The following RXRA variants were observed in gnomAD, a reference collection of about 807,000 sequenced individuals.
The protein encoded by RXRA is retinoid X receptor alpha.
Under a neutral mutation model 44.5 loss-of-function variants are expected in RXRA, and 5 were observed. The ratio of observed to expected loss-of-function variants is 0.11; its 90% CI spans 0.06 to 0.24. The LOEUF (loss-of-function observed/expected upper bound fraction) is 0.24. RXRA is among the 10% of genes least tolerant of loss of function. The pLI is 1.00. For missense variants in RXRA, 412 were observed against 646.5 expected (o/e 0.64, Z 3.93); for synonymous variants, 291 against 271.4 (o/e 1.07, Z -0.71).
At chr9:134,379,012 G>T (rs1393690775) in intron 1 of RXRA, among the ~76,000 whole-genome samples, 1 of 152,206 alleles carries the variant, frequency 6.6e-6, no homozygotes, top group East Asian at 1.9e-4. Context: ...GGTGGGGGTG[G>T]ACCTCAGCCG....
At chr9:134,376,374 A>G (rs1032903776) in intron 1 of RXRA, among the ~76,000 whole-genome samples, 6 of 152,080 alleles carry the variant, frequency 3.9e-5, no homozygotes, top group Middle Eastern at 3.2e-3. Context: ...CCCCATCCAC[A>G]CTGCTCCCGT....
intron 1 of RXRA, among the ~76,000 whole-genome samples, chr9:134,346,671 G>A (rs897917808): frequency 3.2e-4 from 48 of 152,228 alleles, no homozygotes; most frequent in African/African-American, 9.2e-4. Context: ...TGCTGTGGGT[G>A]GATGCCCCCA....
chr9:134,410,932 G>T (rs576958596), intron 4 of RXRA, among the ~76,000 whole-genome samples: 7 of 152,196 alleles, frequency 4.6e-5, no homozygotes, highest in East Asian at 1.9e-4. Context: ...AACCAGGGGG[G>T]GCCCAGGGGG....
chr9:134,372,871 C>T (rs1830507663), intron 1 of RXRA, among the ~76,000 whole-genome samples: 3 of 152,218 alleles, frequency 2.0e-5, no homozygotes, highest in African/African-American at 4.8e-5. Context: ...CGCGGAGCTG[C>T]TTGAGATCTG....
intron 1 of RXRA, among the ~76,000 whole-genome samples, chr9:134,352,026 T>C (rs1830227709): frequency 6.6e-6 from 1 of 152,184 alleles, no homozygotes; most frequent in Non-Finnish European, 1.5e-5. Flanking sequence ...GTCATGGTGC[T>C]GGAGCCAGAG....
intron 1 of RXRA, among the ~76,000 whole-genome samples, chr9:134,376,558 G>C (rs1394000145): frequency 6.6e-6 from 1 of 152,294 alleles, no homozygotes; most frequent in Non-Finnish European, 1.5e-5. Flanking sequence ...CGTGGCCTCG[G>C]CCAGGGCGAC....
intron 1 of RXRA, among the ~76,000 whole-genome samples, chr9:134,376,556 C>T (rs1830560002): frequency 7.7e-5 from 1 of 13,068 alleles, no homozygotes; most frequent in African/African-American, 2.0e-4. Context: ...TGCGTGGCCT[C>T]GGCCAGGGCG....
At position 134,439,870 on chromosome 9, in the gene RXRA, A is replaced by T. The variant is rs1030492277; in HGVS notation, c.*3256A>T. 1 of 152,364 alleles carries T rather than the reference A, an allele frequency of 6.6e-6. No homozygotes were observed. The highest frequency in any genetic ancestry group is 2.4e-5 in the African/African-American group (1 of 41,446). The allele number at this position is 152,364 out of a possible 1,614,324, so 9.4% of individuals were successfully genotyped here. ...GTTTTCCTATAAATTTGCTTCGTGTAAGCAAGTACATAAGGACCCTCCTTT... is the reference window on the plus strand; with the variant it reads ...GTTTTCCTATAAATTTGCTTCGTGTTAGCAAGTACATAAGGACCCTCCTTT... On this transcript the variant is annotated 3_prime_UTR_variant, in exon 10 of 10. Coordinates refer to ENST00000481739, the MANE Select transcript of RXRA (RefSeq NM_002957.6).
intron 1 of RXRA, among the ~76,000 whole-genome samples, chr9:134,353,944 G>A (rs1194894023): frequency 6.6e-6 from 1 of 152,218 alleles, no homozygotes; most frequent in Non-Finnish European, 1.5e-5. Flanking sequence ...GGGACTGTGG[G>A]TGGATGAGAG....
At chr9:134,428,074 C>T (rs1831463477) in intron 6 of RXRA, among the ~76,000 whole-genome samples, 1 of 152,170 alleles carries the variant, frequency 6.6e-6, no homozygotes. Context: ...CGTGTGCACG[C>T]GAGGGTCCCT....
intron 1 of RXRA, among the ~76,000 whole-genome samples, chr9:134,359,287 G>A (rs1830320639): frequency 6.6e-6 from 1 of 152,116 alleles, no homozygotes; most frequent in Non-Finnish European, 1.5e-5. Context: ...CTGTGAGATG[G>A]GTGTGCTGCT....
At chr9:134,425,566 G>A (rs1831419817) in intron 6 of RXRA, 1 of 795,616 alleles carries the variant, frequency 1.3e-6, no homozygotes, top group Non-Finnish European at 1.5e-6. Context: ...GGGGGGGTGA[G>A]GGGGGTGGGG....
intron 2 of RXRA, chr9:134,405,285 C>T (rs1831032052): frequency 6.6e-6 from 1 of 152,280 alleles, no homozygotes; most frequent in Admixed American, 6.5e-5. Context: ...CCCAAAGAAG[C>T]AAGGTGGGTG....
In RXRA at chr9:134,401,895, C is replaced by G. The variant is rs1315553294; in HGVS notation, c.279+13C>G. 35 of 1,569,072 alleles carry G rather than the reference C, an allele frequency of 2.2e-5. No individual in the cohort carries two copies. The highest frequency in any genetic ancestry group is 3.0e-5 in the Non-Finnish European group (35 of 1,149,890). On this transcript the variant is annotated intron_variant, in intron 2 of 9. Transcript: ENST00000481739. Reference sequence around the variant, plus strand: ...TGGCAGCCCCCAGGTGAGTGCGGGGCTGGGGCAAGGGGAGGGGGTGGGGCC... The same window carrying G: ...TGGCAGCCCCCAGGTGAGTGCGGGGGTGGGGCAAGGGGAGGGGGTGGGGCC...
chr9:134,369,554 G>T (rs957653602), intron 1 of RXRA, among the ~76,000 whole-genome samples: 12 of 151,704 alleles, frequency 7.9e-5, no homozygotes, highest in African/African-American at 2.2e-4. Flanking sequence ...GATCGCAGCT[G>T]TTGTGCCTCC....
In RXRA at chr9:134,407,146, T is replaced by C. The variant is rs1264465876; in HGVS notation, c.280-1003T>C. Among the ~76,000 whole-genome samples the C allele has an allele frequency of 6.6e-6, 1 of 152,206 alleles. No homozygotes were observed. The highest frequency in any genetic ancestry group is 2.4e-5 in the African/African-American group (1 of 41,450). ...CCAGAACAAGCTGGGGCTGGAAGAC[T>C]CATTCCAGGCACCGAGGTCCATGTG... is the stretch of plus-strand genomic sequence containing the variant. On this transcript the variant is annotated intron_variant, in intron 2 of 9. Transcript: ENST00000481739. This position sits in a 1 kb window ranked among gnomAD's most constrained non-coding sequence, Gnocchi z 4.8.
At chr9:134,387,978 T>C (rs192617715) in intron 1 of RXRA, among the ~76,000 whole-genome samples, 1 of 152,040 alleles carries the variant, frequency 6.6e-6, no homozygotes, top group African/African-American at 2.4e-5. Context: ...TGAATTCAGA[T>C]CCCTTCGGCA....
At chr9:134,380,089 G>A (rs535838861) in intron 1 of RXRA, 19 of 985,476 alleles carry the variant, frequency 1.9e-5, no homozygotes, top group South Asian at 9.4e-5. Context: ...CTCTGTTGTC[G>A]TGGTCAGTCG....
chr9:134,425,503 T>C, intron 6 of RXRA: 1 of 972,454 alleles, frequency 1.0e-6, no homozygotes, highest in Non-Finnish European at 1.2e-6. Context: ...CGGGGTCGTC[T>C]GAGGGCCTGG....
Sources: allele counts gnomAD v4.1 joint callset (sites outside exome capture counted in the v4.1 genomes callset), GRCh38; gene constraint gnomAD v4.1.1; non-coding constraint Gnocchi (gnomAD v3.1); transcripts MANE v1.5; gene names NCBI Gene and HGNC (gene_info 2026-07-23, HGNC 2026-07-21).